PTPRO: variants seen among roughly 807,000 people sequenced by gnomAD.
The protein encoded by PTPRO is receptor-type tyrosine-protein phosphatase O.
A neutral mutation model predicts 145.2 loss-of-function variants in PTPRO; 62 were observed. The observed-to-expected ratio is 0.43, with a 90% confidence interval of 0.35 to 0.53. The LOEUF is 0.53. PTPRO is among the 20% of genes least tolerant of loss of function. The pLI, the probability that PTPRO is intolerant of heterozygous loss-of-function variation, is 0.01. For missense variants in PTPRO, 1,345 were observed against 1,482.7 expected (o/e 0.91, Z 1.53); for synonymous variants, 565 against 514.7 (o/e 1.10, Z -1.32).
At chr12:15,470,573 A>G (rs983694423) in intron 1 of PTPRO, among the ~76,000 whole-genome samples, 3 of 152,168 alleles carry the variant, frequency 2.0e-5, no homozygotes, top group Non-Finnish European at 4.4e-5. Flanking sequence ...TTAATCTCCA[A>G]AATTAGGAGC....
At chr12:15,483,865 A>AACT in intron 1 of PTPRO, 109 bp from the exon 2 acceptor site, 2 of 1,177,296 alleles carry the variant, frequency 1.7e-6, no homozygotes, top group Non-Finnish European at 2.5e-6. Flanking sequence ...CCATAAACAT[A>AACT]ACTAATGTTT....
At chr12:15,518,603 G>T (rs979028855) in intron 9 of PTPRO, among the ~76,000 whole-genome samples, 1 of 152,102 alleles carries the variant, frequency 6.6e-6, no homozygotes, top group African/African-American at 2.4e-5. Context: ...AAAACTGAAT[G>T]CCTTTAACAG....
At chr12:15,384,520 A>G (rs765524476) in intron 1 of PTPRO, among the ~76,000 whole-genome samples, 1 of 152,188 alleles carries the variant, frequency 6.6e-6, no homozygotes, top group African/African-American at 2.4e-5. Context: ...GAATTCTCAC[A>G]TGGCAGAGAT....
In PTPRO at chr12:15,484,267, T is replaced by G. The variant is rs770426059; in HGVS notation, c.349+20T>G. 1.2e-6 allele frequency: 2 copies of G among 1,612,658 alleles called. No homozygotes were observed. The highest frequency in any genetic ancestry group is 2.7e-5 in the African/African-American group (2 of 74,990). On this transcript the variant is annotated intron_variant, in intron 2 of 26. Transcript: ENST00000281171. Reference sequence around the variant, plus strand: ...TAACAAGTAAGCATCATGTGTAATATTGTCCCGTTTCTTCTTATTGTTCCC... The same window carrying G: ...TAACAAGTAAGCATCATGTGTAATAGTGTCCCGTTTCTTCTTATTGTTCCC...
chr12:15,415,181 A>G (rs1199337438), intron 1 of PTPRO, among the ~76,000 whole-genome samples: 3 of 152,220 alleles, frequency 2.0e-5, no homozygotes, highest in Non-Finnish European at 4.4e-5. Context: ...TGGAAAATCC[A>G]TAAATAACCT....
intron 2 of PTPRO, among the ~76,000 whole-genome samples, chr12:15,488,585 ATAAAAGAGTACCTTT>A (rs1295211194): frequency 6.6e-6 from 1 of 152,236 alleles, no homozygotes; most frequent in Non-Finnish European, 1.5e-5. Flanking sequence ...TCTCCTGAGA[ATAAAAGAGTACCTTT>A]ATAGCAGTCA....
chr12:15,543,640 G>C (rs1412706186), intron 12 of PTPRO, among the ~76,000 whole-genome samples: 1 of 152,132 alleles, frequency 6.6e-6, no homozygotes, highest in Non-Finnish European at 1.5e-5. Flanking sequence ...TGAAGACAAA[G>C]TCATTTATAA....
intron 7 of PTPRO, among the ~76,000 whole-genome samples, chr12:15,514,522 A>G (rs1040264629): frequency 2.0e-5 from 3 of 151,518 alleles, no homozygotes; most frequent in Admixed American, 1.3e-4. Flanking sequence ...GTTCTCTACA[A>G]TATTATTTTA....
intron 1 of PTPRO, among the ~76,000 whole-genome samples, chr12:15,386,434 TGAAATAAATA>T (rs1312834137): frequency 6.6e-6 from 1 of 152,106 alleles, no homozygotes; most frequent in African/African-American, 2.4e-5. Flanking sequence ...AAAAAGATTA[TGAAATAAATA>T]TAAACAAATA....
At chr12:15,409,255 G>C (rs954948410) in intron 1 of PTPRO, among the ~76,000 whole-genome samples, 5 of 152,088 alleles carry the variant, frequency 3.3e-5, no homozygotes, top group African/African-American at 1.2e-4. Flanking sequence ...TTGCAACTTT[G>C]AGATACCTGA....
intron 1 of PTPRO, among the ~76,000 whole-genome samples, chr12:15,437,942 T>C (rs1565629358): frequency 1.3e-5 from 2 of 152,174 alleles, no homozygotes; most frequent in Non-Finnish European, 2.9e-5. Context: ...CAATGTGTAT[T>C]CTATGAATCA....
chr12:15,422,103 C>T (rs1231981077), intron 1 of PTPRO, among the ~76,000 whole-genome samples: 1 of 151,894 alleles, frequency 6.6e-6, no homozygotes, highest in Non-Finnish European at 1.5e-5. Flanking sequence ...AACTTTGCAG[C>T]AATTCCAAAA....
rs566667376 is a variant in PTPRO at position 15,336,777 on chromosome 12, C to T, written c.75+13976C>T. On this transcript the variant is annotated intron_variant, in intron 1 of 26. Coordinates refer to ENST00000281171, the MANE Select transcript of PTPRO (RefSeq NM_030667.3). ...TCTGCCATCCCACCAGGTCAGCCTA[C>T]GCCCAGCCTTGCTAATATCTTGCTA... Among the ~76,000 whole-genome samples the T allele has an allele frequency of 1.1e-4, 17 of 152,330 alleles. No individual in the cohort carries two copies. In the South Asian group the frequency reaches 1.9e-3, roughly 17 times the overall value.
intron 23 of PTPRO, among the ~76,000 whole-genome samples, chr12:15,586,511 C>T (rs1307846211): frequency 6.6e-6 from 1 of 152,194 alleles, no homozygotes; most frequent in East Asian, 1.9e-4. Context: ...GTGCTGTTAG[C>T]AGCAACTGGG....
intron 1 of PTPRO, among the ~76,000 whole-genome samples, chr12:15,459,290 GC>G: frequency 6.6e-6 from 1 of 152,264 alleles, no homozygotes; most frequent in East Asian, 1.9e-4. Flanking sequence ...AGTTCAAACA[GC>G]CATCTTTATT....
At chr12:15,483,463 T>A (rs1941822543) in intron 1 of PTPRO, among the ~76,000 whole-genome samples, 1 of 152,154 alleles carries the variant, frequency 6.6e-6, no homozygotes, top group Admixed American at 6.6e-5. Flanking sequence ...TCAACACCAG[T>A]TTCTCAATCC....
At chr12:15,543,514 G>A (rs1053267844) in intron 12 of PTPRO, among the ~76,000 whole-genome samples, 17 of 152,316 alleles carry the variant, frequency 1.1e-4, no homozygotes, top group East Asian at 7.7e-4. Context: ...CAACCTCAGC[G>A]TGTCTGGTCT....
At chr12:15,572,099 T>TA (rs1328294854) in intron 19 of PTPRO, among the ~76,000 whole-genome samples, 2 of 152,192 alleles carry the variant, frequency 1.3e-5, no homozygotes, top group South Asian at 2.1e-4. Context: ...ATTAACATTC[T>TA]AAAAAATATG....
intron 1 of PTPRO, among the ~76,000 whole-genome samples, chr12:15,478,950 C>T (rs1263621689): frequency 1.3e-5 from 2 of 152,140 alleles, no homozygotes; most frequent in African/African-American, 2.4e-5. Flanking sequence ...GGATTACAGG[C>T]GTGAGCCACC....
Sources: allele counts gnomAD v4.1 joint callset (sites outside exome capture counted in the v4.1 genomes callset), GRCh38; gene constraint gnomAD v4.1.1; transcripts MANE v1.5; gene names NCBI Gene and HGNC (gene_info 2026-07-23, HGNC 2026-07-21).